The following LEKR1 variants were observed in gnomAD, a reference collection of about 807,000 sequenced individuals.
LEKR1 encodes the protein leucine, glutamate and lysine rich 1.
In LEKR1, 59 loss-of-function variants were observed where a neutral mutation model predicts 72.4. That is an observed-to-expected ratio of 0.82 (90% CI 0.66 to 1.01). LEKR1 has a LOEUF of 1.01. Ranked by LOEUF, LEKR1 falls within the 50% of genes least tolerant of loss-of-function variation. LEKR1 has a pLI of 0.00. For missense variants in LEKR1, 728 were observed against 759.2 expected (o/e 0.96, Z 0.48); for synonymous variants, 257 against 263.2 (o/e 0.98, Z 0.23).
intron 3 of LEKR1, among the ~76,000 whole-genome samples, chr3:156,880,159 C>T (rs572766750): frequency 6.6e-6 from 1 of 152,324 alleles, no homozygotes; most frequent in African/African-American, 2.4e-5. Flanking sequence ...TGCTTTTCAG[C>T]CCATGAAAGC....
Position 157,041,392 on chromosome 3 carries a change from A to C in LEKR1, c.1669-3948A>C, listed in dbSNP as rs550964497. Among the ~76,000 whole-genome samples the C allele has an allele frequency of 9.2e-5, 14 of 152,230 alleles. No homozygotes were observed. In the East Asian group the frequency reaches 2.7e-3, roughly 29 times the overall value. ...GGGATCTTCCTTTCATGCAGATTTGATCATACCAGCCATCTGCTTGAAATA... is the reference window on the plus strand; with the variant it reads ...GGGATCTTCCTTTCATGCAGATTTGCTCATACCAGCCATCTGCTTGAAATA... On this transcript the variant is annotated intron_variant, in intron 12 of 12. Transcript: ENST00000356539.
intron 3 of LEKR1, among the ~76,000 whole-genome samples, chr3:156,898,440 A>C (rs1480756405): frequency 6.6e-6 from 1 of 152,158 alleles, no homozygotes; most frequent in East Asian, 1.9e-4. Context: ...ATTCCCAGAG[A>C]GAGCCCTTGC....
chr3:156,841,535 A>G (rs1269766334), intron 2 of LEKR1, among the ~76,000 whole-genome samples: 1 of 152,136 alleles, frequency 6.6e-6, no homozygotes, highest in African/African-American at 2.4e-5. Context: ...AAGGTCCTAG[A>G]CAAGTGTGCT....
At chr3:156,969,299 C>T (rs548594561) in intron 6 of LEKR1, among the ~76,000 whole-genome samples, 60 of 152,092 alleles carry the variant, frequency 3.9e-4, no homozygotes, top group African/African-American at 1.4e-3. Context: ...AGTAGAGACA[C>T]AAAAAACCCT....
intron 1 of LEKR1, among the ~76,000 whole-genome samples, chr3:156,827,726 C>T (rs1384878984): frequency 6.6e-6 from 1 of 152,176 alleles, no homozygotes; most frequent in African/African-American, 2.4e-5. Flanking sequence ...TAATCAGAAC[C>T]TGCCAATTCC....
intron 6 of LEKR1, among the ~76,000 whole-genome samples, chr3:156,963,834 A>T (rs1031053736): frequency 6.6e-6 from 1 of 152,230 alleles, no homozygotes; most frequent in African/African-American, 2.4e-5. Context: ...TGATTCCAGA[A>T]CTTTACTACC....
intron 6 of LEKR1, among the ~76,000 whole-genome samples, chr3:156,960,428 G>A (rs1459920052): frequency 6.6e-6 from 1 of 152,090 alleles, no homozygotes; most frequent in East Asian, 1.9e-4. Flanking sequence ...TGGGATTACA[G>A]ACATGCGCCA....
chr3:156,927,407 A>ATTTTT, intron 4 of LEKR1, 22 bp from the exon 5 acceptor site: 1 of 805,586 alleles, frequency 1.2e-6, no homozygotes. Context: ...TTAAAATCCT[A>ATTTTT]TTTTTTTTTT....
intron 3 of LEKR1, among the ~76,000 whole-genome samples, chr3:156,911,529 TG>T (rs1723109054): frequency 6.6e-6 from 1 of 152,156 alleles, no homozygotes; most frequent in Admixed American, 6.5e-5. Context: ...TATCAATTTT[TG>T]TTTTTCTTTC....
At chr3:156,832,402 C>T (rs946923860) in intron 2 of LEKR1, among the ~76,000 whole-genome samples, 1 of 152,190 alleles carries the variant, frequency 6.6e-6, no homozygotes, top group East Asian at 1.9e-4. Context: ...AACAATTTTT[C>T]TCTCTCCAGT....
At chr3:156,828,485 A>G (rs1459285147) in intron 1 of LEKR1, among the ~76,000 whole-genome samples, 1 of 68,990 alleles carries the variant, frequency 1.4e-5, no homozygotes, top group East Asian at 5.6e-4. Context: ...CTTCCCTGCT[A>G]TGGAATTGTG....
At chr3:156,976,316 A>G (rs1729684617) in intron 6 of LEKR1, among the ~76,000 whole-genome samples, 1 of 152,112 alleles carries the variant, frequency 6.6e-6, no homozygotes, top group African/African-American at 2.4e-5. Context: ...CTTCCTTTTA[A>G]TTTATAGCTG....
chr3:156,944,688 G>T (rs192140907), intron 6 of LEKR1, among the ~76,000 whole-genome samples: 5 of 151,606 alleles, frequency 3.3e-5, no homozygotes, highest in Non-Finnish European at 5.9e-5. Flanking sequence ...TCTCTGGCTG[G>T]CTTATTTCAT....
At chr3:157,045,275 T>G in intron 12 of LEKR1, 65 bp from the exon 13 acceptor site, 2 of 1,334,520 alleles carry the variant, frequency 1.5e-6, no homozygotes, top group Non-Finnish European at 2.1e-6. Flanking sequence ...GTATTGTCCG[T>G]AACTATCTAC....
intron 3 of LEKR1, among the ~76,000 whole-genome samples, chr3:156,893,525 T>A (rs1720867889): frequency 6.6e-6 from 1 of 152,064 alleles, no homozygotes; most frequent in African/African-American, 2.4e-5. Flanking sequence ...TGGGGGTAGA[T>A]CCCTCATGAC....
At chr3:156,967,247 C>T (rs531781317) in intron 6 of LEKR1, among the ~76,000 whole-genome samples, 49 of 152,292 alleles carry the variant, frequency 3.2e-4, no homozygotes, top group African/African-American at 1.1e-3. Context: ...GAACGCAGCT[C>T]CTCACCAGCA....
chr3:156,830,619 T>A (rs1411697810), intron 2 of LEKR1, among the ~76,000 whole-genome samples: 1 of 152,192 alleles, frequency 6.6e-6, no homozygotes, highest in African/African-American at 2.4e-5. Flanking sequence ...AGCATAGTTT[T>A]TATGTGGGTG....
intron 2 of LEKR1, 132 bp from the exon 3 acceptor site, chr3:156,852,636 G>T (rs1430692956): frequency 9.0e-6 from 4 of 443,534 alleles, no homozygotes; most frequent in Non-Finnish European, 1.6e-5. Context: ...TGTTAGCAAT[G>T]TCGTAATTAT....
intron 10 of LEKR1, among the ~76,000 whole-genome samples, chr3:157,018,485 A>G (rs1357702425): frequency 6.6e-6 from 1 of 152,226 alleles, no homozygotes; most frequent in Non-Finnish European, 1.5e-5. Context: ...TTCTCTGACC[A>G]CAATGAAATA....
Sources: gnomAD v4.1 joint callset for allele counts (sites outside exome capture counted in the v4.1 genomes callset) on GRCh38, gnomAD v4.1.1 for gene constraint, MANE v1.5 for transcripts, NCBI Gene and HGNC (gene_info 2026-07-23, HGNC 2026-07-21) for gene names.